KCND2: variants seen among roughly 807,000 people sequenced by gnomAD.
KCND2 encodes the protein A-type voltage-gated potassium channel KCND2.
Under a neutral mutation model 54.4 loss-of-function variants are expected in KCND2, and 16 were observed. That is an observed-to-expected ratio of 0.29 (90% CI 0.20 to 0.45). KCND2 has a LOEUF of 0.45. Among genes scored for constraint, KCND2 ranks in the 20% least tolerant of loss-of-function variants. The pLI is 1.00. For synonymous variants in KCND2, 317 were observed against 310.7 expected, an observed-to-expected ratio of 1.02 and a Z score of -0.21; for missense variants, 486 against 824.2, an observed-to-expected ratio of 0.59 and a Z score of 5.02.
chr7:120,555,745 A>G (rs1430820279), intron 1 of KCND2, among the ~76,000 whole-genome samples: 1 of 152,246 alleles, frequency 6.6e-6, no homozygotes, highest in Non-Finnish European at 1.5e-5. Context: ...TTTAAGTCAG[A>G]TTAAGTTTCC....
At chr7:120,403,969 TACAA>T (rs1471605147) in intron 1 of KCND2, among the ~76,000 whole-genome samples, 1 of 152,066 alleles carries the variant, frequency 6.6e-6, no homozygotes, top group African/African-American at 2.4e-5. Context: ...TATTGTGAAA[TACAA>T]ACATGATTTT....
At chr7:120,415,322 A>G (rs1801509794) in intron 1 of KCND2, among the ~76,000 whole-genome samples, 1 of 152,202 alleles carries the variant, frequency 6.6e-6, no homozygotes, top group Non-Finnish European at 1.5e-5. Context: ...AAAGCTTTCA[A>G]TTTTATATGG....
At chr7:120,474,730 A>T (rs10488298) in intron 1 of KCND2, among the ~76,000 whole-genome samples, 10,187 of 151,970 alleles carry the variant, frequency 0.067, 886 homozygotes, top group East Asian at 0.45. Flanking sequence ...ATCTAATACT[A>T]TCCCATTACC....
At chr7:120,611,639 C>T (rs998324973) in intron 1 of KCND2, among the ~76,000 whole-genome samples, 22 of 152,140 alleles carry the variant, frequency 1.4e-4, no homozygotes, top group African/African-American at 5.1e-4. Context: ...GATGCAGAGT[C>T]TAAAACCTAA....
rs1447548894 is a variant in KCND2 at position 120,416,142 on chromosome 7, G to T, written c.1115+140395G>T. 2.5e-4 allele frequency among the ~76,000 whole-genome samples: 38 copies of T among 152,162 alleles called. 1 individual carries two copies. Among genetic ancestry groups the T allele is most frequent in the Admixed American group, 2.5e-3 (38 of 15,280 alleles). ...TGTAACCTGCCCATATCTTCTCTTA[G>T]AGCTCTTTTTTTATACATATATAAC... On this transcript the variant is annotated intron_variant, in intron 1 of 5. Transcript: ENST00000331113.
At chr7:120,368,622 T>C (rs1179777035) in intron 1 of KCND2, among the ~76,000 whole-genome samples, 1 of 152,116 alleles carries the variant, frequency 6.6e-6, no homozygotes. Context: ...GCGTAAGCTC[T>C]CCATACATTT....
intron 1 of KCND2, among the ~76,000 whole-genome samples, chr7:120,559,021 G>T (rs1447633733): frequency 6.6e-6 from 1 of 151,580 alleles, no homozygotes; most frequent in Non-Finnish European, 1.5e-5. Context: ...GTGTTTCTGT[G>T]TGTGTATGTG....
In KCND2 at chr7:120,451,714, C is replaced by T. The variant is rs144580345; in HGVS notation, c.1115+175967C>T. On this transcript the variant is annotated intron_variant, in intron 1 of 5. Transcript: ENST00000331113. ...ATTTCAGGCTTTCCTCATCAATTGC[C>T]GCACAATCACTACCAATCAATCTGC... Among the ~76,000 whole-genome samples, 94 of 152,270 alleles carry T rather than the reference C, an allele frequency of 6.2e-4. 1 individual carries two copies. Among genetic ancestry groups the T allele is most frequent in the African/African-American group, 2.1e-3 (86 of 41,554 alleles).
intron 1 of KCND2, among the ~76,000 whole-genome samples, chr7:120,582,261 A>T (rs10261574): frequency 0.057 from 8,652 of 151,962 alleles, 715 homozygotes; most frequent in African/African-American, 0.19. Flanking sequence ...GATTTTTTTT[A>T]AAAATCAAGT....
intron 1 of KCND2, among the ~76,000 whole-genome samples, chr7:120,288,524 G>A (rs563473311): frequency 1.3e-5 from 2 of 152,220 alleles, no homozygotes; most frequent in East Asian, 1.9e-4. Flanking sequence ...CTGATTTGAT[G>A]TTGAGATGTT....
chr7:120,426,915 C>G (rs1046329749), intron 1 of KCND2, among the ~76,000 whole-genome samples: 1 of 152,130 alleles, frequency 6.6e-6, no homozygotes, highest in Non-Finnish European at 1.5e-5. Flanking sequence ...CCACCGCGCC[C>G]GGCCCAACGT....
chr7:120,430,698 A>G (rs973200172), intron 1 of KCND2, among the ~76,000 whole-genome samples: 1 of 152,204 alleles, frequency 6.6e-6, no homozygotes, highest in Non-Finnish European at 1.5e-5. Context: ...TCCCAACTAC[A>G]TATTTTCATG....
intron 1 of KCND2, among the ~76,000 whole-genome samples, chr7:120,595,240 T>C (rs1792723204): frequency 6.6e-6 from 1 of 151,264 alleles, no homozygotes; most frequent in Admixed American, 6.6e-5. Flanking sequence ...TCACTTGAGG[T>C]CAGGAGTTCG....
intron 1 of KCND2, among the ~76,000 whole-genome samples, chr7:120,276,398 C>T (rs1799175066): frequency 6.6e-6 from 1 of 151,968 alleles, no homozygotes. Context: ...ATTAAATTTG[C>T]AACATATTTC....
At chr7:120,400,557 A>C (rs1416452467) in intron 1 of KCND2, among the ~76,000 whole-genome samples, 1 of 152,178 alleles carries the variant, frequency 6.6e-6, no homozygotes, top group Non-Finnish European at 1.5e-5. Context: ...GAAAGCAACA[A>C]ATTGTTTGTG....
intron 1 of KCND2, among the ~76,000 whole-genome samples, chr7:120,309,864 A>C (rs1357232122): frequency 6.6e-6 from 1 of 152,168 alleles, no homozygotes; most frequent in African/African-American, 2.4e-5. Context: ...ATTGTCTACA[A>C]ACCAGTCACA....
At chr7:120,397,670 G>C (rs1476717011) in intron 1 of KCND2, among the ~76,000 whole-genome samples, 1 of 151,754 alleles carries the variant, frequency 6.6e-6, no homozygotes, top group Admixed American at 6.6e-5. Context: ...TGTATATTCA[G>C]GTTGTAGATT....
intron 2 of KCND2, among the ~76,000 whole-genome samples, chr7:120,733,286 G>A (rs1584900554): frequency 6.6e-6 from 1 of 152,094 alleles, no homozygotes; most frequent in African/African-American, 2.4e-5. Flanking sequence ...CTTGTCCAGA[G>A]AATAGAGAGT....
intron 1 of KCND2, among the ~76,000 whole-genome samples, chr7:120,616,404 T>C (rs1407673634): frequency 6.6e-6 from 1 of 152,198 alleles, no homozygotes; most frequent in Non-Finnish European, 1.5e-5. Context: ...AACAGAACTA[T>C]ATATTATTTA....
Sources: gnomAD v4.1 joint callset for allele counts (sites outside exome capture counted in the v4.1 genomes callset) on GRCh38, gnomAD v4.1.1 for gene constraint, MANE v1.5 for transcripts, NCBI Gene and HGNC (gene_info 2026-07-23, HGNC 2026-07-21) for gene names.